The following DAB1 variants were observed in gnomAD, a reference collection of about 807,000 sequenced individuals.
DAB1 encodes the protein disabled homolog 1.
In DAB1, 15 loss-of-function variants were observed where a neutral mutation model predicts 64.6. The ratio of observed to expected loss-of-function variants is 0.23; its 90% CI spans 0.16 to 0.36. The LOEUF (loss-of-function observed/expected upper bound fraction) is 0.36. Among genes scored for constraint, DAB1 ranks in the 10% least tolerant of loss-of-function variants. DAB1 has a pLI of 1.00. For missense variants in DAB1, 596 were observed against 706.7 expected, an observed-to-expected ratio of 0.84 and a Z score of 1.78; for synonymous variants, 235 against 251.9, an observed-to-expected ratio of 0.93 and a Z score of 0.64.
chr1:57,505,551 C>T (rs1406722305), intron 7 of DAB1, among the ~76,000 whole-genome samples: 1 of 152,208 alleles, frequency 6.6e-6, no homozygotes, highest in Admixed American at 6.5e-5. Flanking sequence ...GATGTAAGTG[C>T]TTAGCAGGTT....
chr1:57,595,241 A>T (rs1476449802), intron 7 of DAB1, among the ~76,000 whole-genome samples: 3 of 151,912 alleles, frequency 2.0e-5, no homozygotes, highest in African/African-American at 4.8e-5. Flanking sequence ...TTTTTTTTAG[A>T]TTCTAAATTT....
intron 4 of DAB1, among the ~76,000 whole-genome samples, chr1:58,283,214 A>T (rs1440150545): frequency 4.6e-5 from 7 of 151,192 alleles, no homozygotes; most frequent in African/African-American, 1.7e-4. Flanking sequence ...CAGTGCGCAT[A>T]TGGGTAAAAG....
chr1:57,567,068 C>T (rs1464276532), intron 7 of DAB1, among the ~76,000 whole-genome samples: 2 of 152,174 alleles, frequency 1.3e-5, no homozygotes, highest in Non-Finnish European at 2.9e-5. Flanking sequence ...CATCAAAAAG[C>T]TTATCCACCA....
chr1:57,608,628 G>A (rs1645689877), intron 7 of DAB1, among the ~76,000 whole-genome samples: 1 of 152,164 alleles, frequency 6.6e-6, no homozygotes. Flanking sequence ...AAATACTTAT[G>A]TGTGGGATCA....
chr1:58,245,164 G>A (rs1239892772), intron 4 of DAB1, among the ~76,000 whole-genome samples: 1 of 152,200 alleles, frequency 6.6e-6, no homozygotes, highest in Non-Finnish European at 1.5e-5. Context: ...CCAGAAAACA[G>A]TGCTGTCATC....
At chr1:57,975,261 G>A (rs1250137117) in intron 5 of DAB1, among the ~76,000 whole-genome samples, 1 of 152,146 alleles carries the variant, frequency 6.6e-6, no homozygotes, top group Non-Finnish European at 1.5e-5. Flanking sequence ...AGAAACAAAT[G>A]TCTGTTGTTT....
intron 7 of DAB1, among the ~76,000 whole-genome samples, chr1:57,478,439 A>AT (rs11407860): frequency 0.014 from 2,164 of 151,914 alleles, 57 homozygotes; most frequent in African/African-American, 0.049. Context: ...TTGGATGTGG[A>AT]TTTTTTTTAG....
At chr1:57,793,450 A>G (rs1180173021) in intron 6 of DAB1, among the ~76,000 whole-genome samples, 3 of 152,176 alleles carry the variant, frequency 2.0e-5, no homozygotes, top group South Asian at 4.2e-4. Flanking sequence ...TGAAGAAGAG[A>G]CAGTGGCCCT....
At chr1:57,004,034 G>T (rs116335569) in intron 14 of DAB1, among the ~76,000 whole-genome samples, 1,963 of 152,178 alleles carry the variant, frequency 0.013, 19 homozygotes, top group Non-Finnish European at 0.021. Context: ...CCACTACCAC[G>T]TGTTCCCTCT....
chr1:58,531,532 A>C (rs1646433422), intron 1 of DAB1, among the ~76,000 whole-genome samples: 1 of 152,198 alleles, frequency 6.6e-6, no homozygotes, highest in Non-Finnish European at 1.5e-5. Context: ...GTAATGCTGA[A>C]ACTGATAAAA....
intron 1 of DAB1, among the ~76,000 whole-genome samples, chr1:57,330,800 G>A (rs927639359): frequency 6.6e-6 from 1 of 151,844 alleles, no homozygotes; most frequent in Non-Finnish European, 1.5e-5. Context: ...CCAGACTGTT[G>A]GAAATGCTTG....
chr1:57,310,149 G>A (rs554050689), intron 1 of DAB1, among the ~76,000 whole-genome samples: 19 of 152,314 alleles, frequency 1.2e-4, no homozygotes, highest in African/African-American at 3.6e-4. Context: ...TATACAATGT[G>A]TCAGGTATTG....
chr1:57,413,698 C>T (rs976526269), intron 1 of DAB1, among the ~76,000 whole-genome samples: 3 of 143,488 alleles, frequency 2.1e-5, no homozygotes, highest in Non-Finnish European at 4.5e-5. Flanking sequence ...GAGCTGAGAT[C>T]GCGCCACTGC....
intron 5 of DAB1, among the ~76,000 whole-genome samples, chr1:57,979,946 A>G (rs2100337556): frequency 6.6e-6 from 1 of 152,298 alleles, no homozygotes; most frequent in East Asian, 1.9e-4. Flanking sequence ...AACAAAAAGA[A>G]AGGACTTGTT....
At chr1:57,949,127 C>A (rs2100228661) in intron 5 of DAB1, among the ~76,000 whole-genome samples, 1 of 151,980 alleles carries the variant, frequency 6.6e-6, no homozygotes, top group African/African-American at 2.4e-5. Context: ...ACCTTTTTGG[C>A]ACCAGGGACA....
At chr1:57,000,863 A>G (rs1272852627) in intron 14 of DAB1, among the ~76,000 whole-genome samples, 1 of 152,216 alleles carries the variant, frequency 6.6e-6, no homozygotes, top group Non-Finnish European at 1.5e-5. Context: ...ACCTAAAAAC[A>G]GAAGAAGACA....
chr1:58,330,161 A>C (rs1213642), intron 4 of DAB1, among the ~76,000 whole-genome samples: 28,359 of 152,208 alleles, frequency 0.19, 2,788 homozygotes, highest in Middle Eastern at 0.3. Flanking sequence ...TGAATGATGA[A>C]AAAGTGAGAC....
At chr1:57,225,261 C>A (rs975392772) in intron 2 of DAB1, among the ~76,000 whole-genome samples, 1 of 152,164 alleles carries the variant, frequency 6.6e-6, no homozygotes, top group Non-Finnish European at 1.5e-5. Context: ...TTTTGTGATA[C>A]ACAAGACTTG....
At chr1:57,946,895 G>A (rs781770109) in intron 5 of DAB1, among the ~76,000 whole-genome samples, 11 of 152,260 alleles carry the variant, frequency 7.2e-5, no homozygotes, top group African/African-American at 1.9e-4. Flanking sequence ...ATGCCTAGCC[G>A]TGTTCAGCAT....
Sources: gnomAD v4.1 joint callset for allele counts (sites outside exome capture counted in the v4.1 genomes callset) on GRCh38, gnomAD v4.1.1 for gene constraint, MANE v1.5 for transcripts, NCBI Gene and HGNC (gene_info 2026-07-23, HGNC 2026-07-21) for gene names.